The following TRAF3 variants were observed in gnomAD, a reference collection of about 807,000 sequenced individuals.
TRAF3 encodes the protein TNF receptor-associated factor 3.
In TRAF3, 13 loss-of-function variants were observed where a neutral mutation model predicts 62.3. The observed-to-expected ratio is 0.21, with a 90% CI of 0.14 to 0.33. The LOEUF (loss-of-function observed/expected upper bound fraction) is 0.33. TRAF3 is among the 10% of genes least tolerant of loss of function. TRAF3 has a pLI of 1.00. For synonymous variants in TRAF3, 269 were observed against 283.4 expected (o/e 0.95, Z 0.51); for missense variants, 440 against 741.8 (o/e 0.59, Z 4.73).
At chr14:102,894,209 C>G (rs570479491) in intron 9 of TRAF3, among the ~76,000 whole-genome samples, 9 of 152,200 alleles carry the variant, frequency 5.9e-5, no homozygotes, top group African/African-American at 1.9e-4. Flanking sequence ...CGCCTGTGAT[C>G]CCAGCTACTC....
At chr14:102,892,349 C>T (rs910111041) in intron 9 of TRAF3, among the ~76,000 whole-genome samples, 3 of 152,200 alleles carry the variant, frequency 2.0e-5, no homozygotes, top group African/African-American at 7.2e-5. Flanking sequence ...TGAGCCACCA[C>T]GCCCAGCCTC....
rs773321407 is a variant in TRAF3, at chr14:102,906,134, A to C, written c.*350A>C. 84 of 214,322 alleles carry C rather than the reference A, an allele frequency of 3.9e-4. No homozygotes were observed. Among genetic ancestry groups the C allele is most frequent in the African/African-American group, 1.2e-3 (54 of 43,622 alleles). The allele number at this position is 214,322 out of a possible 1,614,324, so 13.3% of individuals were successfully genotyped here. Reference sequence around the variant, plus strand: ...CTTCCTTAAACTTGAACACCAAAAAAACACACACACACACACACGTGGGGA... The same window carrying C: ...CTTCCTTAAACTTGAACACCAAAAACACACACACACACACACACGTGGGGA... On this transcript the variant is annotated 3_prime_UTR_variant, in exon 12 of 12. Coordinates refer to ENST00000392745, the MANE Select transcript of TRAF3 (RefSeq NM_145725.3).
At chr14:102,894,952 T>C in intron 9 of TRAF3, 2 of 365,968 alleles carry the variant, frequency 5.5e-6, no homozygotes, top group South Asian at 4.2e-5. Flanking sequence ...TCCGTCTGCC[T>C]CAGCCTTCCA....
At chr14:102,853,891 AT>A (rs751424525) in intron 2 of TRAF3, among the ~76,000 whole-genome samples, 19 of 151,982 alleles carry the variant, frequency 1.3e-4, no homozygotes, top group Non-Finnish European at 2.6e-4. Flanking sequence ...TAATTTCAGA[AT>A]ATTTCATCAC....
At chr14:102,823,381 A>C (rs1450165648) in intron 1 of TRAF3, among the ~76,000 whole-genome samples, 1 of 152,206 alleles carries the variant, frequency 6.6e-6, no homozygotes, top group African/African-American at 2.4e-5. Context: ...GAGAGTGTTG[A>C]TAAGTTCCAT....
chr14:102,838,713 G>C (rs115417750), intron 2 of TRAF3, among the ~76,000 whole-genome samples: 144 of 152,328 alleles, frequency 9.5e-4, no homozygotes, highest in African/African-American at 3.2e-3. Context: ...CCTGGTGAGG[G>C]AGGGGATGCT....
chr14:102,804,999 T>G (rs1303307646), intron 1 of TRAF3, among the ~76,000 whole-genome samples: 1 of 152,238 alleles, frequency 6.6e-6, no homozygotes, highest in Non-Finnish European at 1.5e-5. Flanking sequence ...GATTTTGACC[T>G]TCCCTGGACG....
rs752034706 is a variant in TRAF3, at chr14:102,891,295, G to A, written c.727-30G>A. 1.6e-5 allele frequency: 26 copies of A among 1,604,508 alleles called. No homozygotes were observed. In the East Asian group the frequency reaches 1.8e-4, roughly 11 times the overall value. ...TGCCCTTTGAAATGCAGCGAGGTTC[G>A]CTGAATGCCTCACATGTTTGCTCTC... is the stretch of plus-strand genomic sequence containing the variant. On this transcript the variant is annotated intron_variant, in intron 8 of 11. Transcript: ENST00000392745.
At chr14:102,839,242 A>C (rs1404244775) in intron 2 of TRAF3, among the ~76,000 whole-genome samples, 2 of 110,434 alleles carry the variant, frequency 1.8e-5, no homozygotes, top group African/African-American at 6.0e-5. Context: ...TTTTTTTGAA[A>C]CAGTCTCACT....
chr14:102,822,645 A>G (rs899655648), intron 1 of TRAF3, among the ~76,000 whole-genome samples: 14 of 152,172 alleles, frequency 9.2e-5, no homozygotes, highest in African/African-American at 3.4e-4. Flanking sequence ...ATTATGTAAA[A>G]TATTTTACAC....
chr14:102,817,902 A>G (rs961067684), intron 1 of TRAF3, among the ~76,000 whole-genome samples: 31 of 152,200 alleles, frequency 2.0e-4, no homozygotes, highest in African/African-American at 7.5e-4. Context: ...TTTGTTATCC[A>G]TAATAGAGCT....
At chr14:102,870,749 A>C (rs1003439787) in intron 3 of TRAF3, among the ~76,000 whole-genome samples, 3 of 152,068 alleles carry the variant, frequency 2.0e-5, no homozygotes, top group Non-Finnish European at 4.4e-5. Flanking sequence ...AGTTCCATGG[A>C]GGAGATACAC....
chr14:102,908,440 A>G lies in TRAF3; in HGVS notation c.*2656A>G, dbSNP rs1459187713. ...TCAACACAGTGGGCAGCAGCCTGGG[A>G]CGGCGTCCCCTCTCCCGGCGGCGGG... On this transcript the variant is annotated 3_prime_UTR_variant, in exon 12 of 12. Coordinates refer to ENST00000392745, the MANE Select transcript of TRAF3 (RefSeq NM_145725.3). The G allele has an allele frequency of 6.6e-6, 1 of 152,294 alleles. No individual in the cohort carries two copies. Among genetic ancestry groups the G allele is most frequent in the Non-Finnish European group, 1.5e-5 (1 of 68,142 alleles). The allele number at this position is 152,294 out of a possible 1,614,324, so 9.4% of individuals were successfully genotyped here. A position where few individuals can be genotyped will look rare whatever the true frequency, so the allele number is the denominator to read the frequency against.
At chr14:102,900,601 C>G (rs1201453673) in intron 10 of TRAF3, among the ~76,000 whole-genome samples, 1 of 152,220 alleles carries the variant, frequency 6.6e-6, no homozygotes, top group Non-Finnish European at 1.5e-5. Flanking sequence ...GTCCACAGGG[C>G]ACACGTAGAG....
At chr14:102,790,970 T>C (rs191947783) in intron 1 of TRAF3, among the ~76,000 whole-genome samples, 78 of 152,122 alleles carry the variant, frequency 5.1e-4, no homozygotes, top group African/African-American at 1.4e-3. Flanking sequence ...GGGGTTGCAA[T>C]CTTAACAGTA....
chr14:102,853,688 A>G (rs1388239579), intron 2 of TRAF3, among the ~76,000 whole-genome samples: 1 of 152,096 alleles, frequency 6.6e-6, no homozygotes, highest in Admixed American at 6.6e-5. Flanking sequence ...ATACAAAAAA[A>G]TTAGCTGGGC....
rs192669640 is a variant in TRAF3 at position 102,885,589 on chromosome 14, A to G, written c.571-600A>G. 2.5e-3 allele frequency among the ~76,000 whole-genome samples: 375 copies of G among 152,330 alleles called. 3 individuals carry two copies. The highest frequency in any genetic ancestry group is 8.7e-3 in the African/African-American group (360 of 41,566). On this transcript the variant is annotated intron_variant, in intron 6 of 11. Transcript: ENST00000392745. ...CCTTAGCAAAGGTGAAGTTTGTGCT[A>G]TTAGGGAAGGCCTAACCCAAAACCT...
intron 2 of TRAF3, among the ~76,000 whole-genome samples, chr14:102,839,058 T>C (rs1352839552): frequency 6.6e-6 from 1 of 152,122 alleles, no homozygotes; most frequent in Non-Finnish European, 1.5e-5. Flanking sequence ...GCTTTCCCTG[T>C]CATATGGATG....
At chr14:102,787,811 CTT>C (rs796964912) in intron 1 of TRAF3, among the ~76,000 whole-genome samples, 3 of 138,932 alleles carry the variant, frequency 2.2e-5, no homozygotes, top group Admixed American at 1.4e-4. Context: ...ACTTGCCTTG[CTT>C]TTTTTTTTTT....
Sources: allele counts gnomAD v4.1 joint callset (sites outside exome capture counted in the v4.1 genomes callset), GRCh38; gene constraint gnomAD v4.1.1; transcripts MANE v1.5; gene names NCBI Gene and HGNC (gene_info 2026-07-23, HGNC 2026-07-21).